The following MAP3K14 variants were observed in gnomAD, a reference collection of about 807,000 sequenced individuals.
The protein encoded by MAP3K14 is mitogen-activated protein kinase kinase kinase 14.
MAP3K14 carries 16 observed loss-of-function variants against 99.2 expected under a neutral mutation model. That is an observed-to-expected ratio of 0.16 (90% CI 0.11 to 0.24). The LOEUF (loss-of-function observed/expected upper bound fraction) is 0.24, where lower values mean the gene tolerates loss of function less well. Ranked by LOEUF, MAP3K14 falls within the 10% of genes least tolerant of loss-of-function variation. The probability of loss-of-function intolerance (pLI) is 1.00; values close to 1 mark genes in which losing one functional copy is unlikely to be tolerated. For synonymous variants in MAP3K14, 462 were observed against 492.4 expected, an observed-to-expected ratio of 0.94 and a Z score of 0.82; for missense variants, 784 against 1,208.7, an observed-to-expected ratio of 0.65 and a Z score of 5.21.
intron 1 of MAP3K14, among the ~76,000 whole-genome samples, chr17:45,300,364 C>T (rs1317767047): frequency 6.6e-6 from 1 of 152,208 alleles, no homozygotes; most frequent in African/African-American, 2.4e-5. Context: ...ACATCGTGTA[C>T]TTAAGACAAC....
chr17:45,277,981 A>G (rs532382847), intron 6 of MAP3K14, among the ~76,000 whole-genome samples: 61 of 152,114 alleles, frequency 4.0e-4, no homozygotes, highest in Non-Finnish European at 1.8e-4. Context: ...AAATGGAAGG[A>G]CCCTTTTTCT....
intron 6 of MAP3K14, among the ~76,000 whole-genome samples, chr17:45,283,481 A>C (rs1401940754): frequency 6.6e-6 from 1 of 152,162 alleles, no homozygotes; most frequent in Non-Finnish European, 1.5e-5. Context: ...CACTGGTCTC[A>C]CCATCCAGCC....
chr17:45,287,022 G>A lies in MAP3K14; in HGVS notation c.561C>T (p.Ala187=). Residue 187 remains alanine, a synonymous_variant, in exon 5 of 16, where the codon GCC becomes GCT. Coordinates refer to ENST00000344686, the MANE Select transcript of MAP3K14 (RefSeq NM_003954.5). ...ACTGCGGGGTGTTTCTAACATATGG[G>A]GCGCCGAGTGGAGACTCATCCTCCT... ...PVQEDESPLG[A]PYVRNTPQFT... is the part of the protein sequence containing the mutation. 1 of 1,612,686 alleles carries A rather than the reference G, an allele frequency of 6.2e-7. No homozygotes were observed.
At chr17:45,291,090 T>C (rs770329278) in intron 1 of MAP3K14, 1 of 242,222 alleles carries the variant, frequency 4.1e-6, no homozygotes, top group Non-Finnish European at 8.3e-6. Flanking sequence ...TTCTTGCCTT[T>C]ATGATGGCTC....
chr17:45,285,854 A>G (rs1160996647), intron 5 of MAP3K14, among the ~76,000 whole-genome samples: 2 of 151,616 alleles, frequency 1.3e-5, no homozygotes, highest in African/African-American at 4.9e-5. Flanking sequence ...CGGGGGGCTG[A>G]GGCAGGAGGA....
In MAP3K14 at chr17:45,282,426, G is replaced by A. The variant is rs182265885; in HGVS notation, c.1290+2386C>T. On this transcript the variant is annotated intron_variant, in intron 6 of 15. Coordinates refer to ENST00000344686, the MANE Select transcript of MAP3K14 (RefSeq NM_003954.5). Reference sequence around the variant, plus strand: ...AAAAATTAGCTGGGTGTGGTGGTGCGTGCCTAAAGTCCCAGCTATGTGGGA... The same window carrying A: ...AAAAATTAGCTGGGTGTGGTGGTGCATGCCTAAAGTCCCAGCTATGTGGGA... Among the ~76,000 whole-genome samples the A allele has an allele frequency of 1.8e-3, 277 of 151,922 alleles. 1 individual carries two copies. Among genetic ancestry groups the A allele is most frequent in the African/African-American group, 6.2e-3 (259 of 41,460 alleles).
At chr17:45,302,737 C>T (rs1007474365) in intron 1 of MAP3K14, among the ~76,000 whole-genome samples, 10 of 152,222 alleles carry the variant, frequency 6.6e-5, no homozygotes, top group South Asian at 2.1e-4. Context: ...TTTCTCCAAC[C>T]GTGTGCGCGC....
intron 6 of MAP3K14, among the ~76,000 whole-genome samples, chr17:45,282,554 CAA>C (rs11452454): frequency 7.6e-4 from 94 of 123,644 alleles, no homozygotes; most frequent in African/African-American, 1.8e-3. Context: ...GATCCTGTCT[CAA>C]AAAAAAAAAA....
At chr17:45,289,428 T>C in intron 2 of MAP3K14, 123 bp from the exon 3 acceptor site, 1 of 718,526 alleles carries the variant, frequency 1.4e-6, no homozygotes, top group Non-Finnish European at 2.4e-6. Flanking sequence ...AGACAACCCC[T>C]GTCTGGCAGT....
intron 6 of MAP3K14, among the ~76,000 whole-genome samples, chr17:45,278,782 C>T (rs115307633): frequency 2.1e-3 from 321 of 151,658 alleles, no homozygotes; most frequent in African/African-American, 7.4e-3. Context: ...CGGGCTCAAG[C>T]GATCCTCCCA....
intron 2 of MAP3K14, among the ~76,000 whole-genome samples, chr17:45,289,888 A>G (rs1412606360): frequency 2.0e-5 from 3 of 152,192 alleles, no homozygotes; most frequent in Non-Finnish European, 4.4e-5. Context: ...AAGGCGTTGG[A>G]GAGAGAGGAC....
At chr17:45,282,075 A>C (rs999799554) in intron 6 of MAP3K14, 1 of 152,182 alleles carries the variant, frequency 6.6e-6, no homozygotes, top group Non-Finnish European at 1.5e-5. Context: ...ATATCTTTTT[A>C]GACTTTTGAA....
At chr17:45,284,103 G>A (rs1206771095) in intron 6 of MAP3K14, among the ~76,000 whole-genome samples, 2 of 152,322 alleles carry the variant, frequency 1.3e-5, no homozygotes, top group East Asian at 3.9e-4. Context: ...TCTAACATCA[G>A]TGAGATGAAG....
intron 11 of MAP3K14, 105 bp downstream of exon 11, chr17:45,270,308 A>T: frequency 7.2e-7 from 1 of 1,383,122 alleles, no homozygotes; most frequent in Non-Finnish European, 9.6e-7. Context: ...AGAGGGGGAA[A>T]CTAAGGCTCT....
chr17:45,285,721 CA>C (rs2044258765), intron 5 of MAP3K14, among the ~76,000 whole-genome samples: 1 of 151,906 alleles, frequency 6.6e-6, no homozygotes, highest in African/African-American at 2.4e-5. Flanking sequence ...TTTTGGAGGC[CA>C]ATGTGTGAGG....
At chr17:45,287,436 A>G (rs1003775950) in intron 3 of MAP3K14, 72 bp from the exon 4 acceptor site, 8 of 1,303,584 alleles carry the variant, frequency 6.1e-6, no homozygotes, top group Non-Finnish European at 7.6e-6. Context: ...AGACACTTGT[A>G]TCTGGACTCC....
chr17:45,265,746 G>C (rs2044074894), intron 14 of MAP3K14, among the ~76,000 whole-genome samples: 1 of 152,020 alleles, frequency 6.6e-6, no homozygotes, highest in Non-Finnish European at 1.5e-5. Context: ...TCACAAAGCT[G>C]CATTTTTATA....
At chr17:45,270,869 A>G in intron 10 of MAP3K14, 189 bp downstream of exon 10, 1 of 857,256 alleles carries the variant, frequency 1.2e-6, no homozygotes, top group Non-Finnish European at 1.8e-6. Flanking sequence ...GAACTTGGTG[A>G]GCCTCCGCAG....
Position 45,274,107 on chromosome 17 carries a change from G to A in MAP3K14, c.1552+16C>T, listed in dbSNP as rs866299817. ...AGAGCCTGCTGGGGATCAGGGCCGT[G>A]GGGCCTGGGCCTTACCTTTGACGTC... On this transcript the variant is annotated intron_variant, in intron 8 of 15. Coordinates refer to ENST00000344686, the MANE Select transcript of MAP3K14 (RefSeq NM_003954.5). The A allele has an allele frequency of 3.1e-6, 5 of 1,607,818 alleles. No homozygotes were observed. The African/African-American group carries it at 5.3e-5, about 17-fold the overall frequency.
Sources: gnomAD v4.1 joint callset for allele counts (sites outside exome capture counted in the v4.1 genomes callset) on GRCh38, gnomAD v4.1.1 for gene constraint, MANE v1.5 for transcripts, NCBI Gene and HGNC (gene_info 2026-07-23, HGNC 2026-07-21) for gene names.